The following SREK1 variants were observed in gnomAD, a reference collection of about 807,000 sequenced individuals.
The protein encoded by SREK1 is splicing regulatory glutamic acid and lysine rich protein 1.
Under a neutral mutation model 66.5 loss-of-function variants are expected in SREK1, and 13 were observed. The ratio of observed to expected loss-of-function variants is 0.20; its 90% confidence interval spans 0.13 to 0.31. SREK1 has a LOEUF of 0.31. Among genes scored for constraint, SREK1 ranks in the 10% least tolerant of loss-of-function variants. SREK1 has a pLI of 1.00. For missense variants in SREK1, 607 were observed against 769.6 expected (o/e 0.79, Z 2.50); for synonymous variants, 265 against 263.5 (o/e 1.01, Z -0.05).
intron 1 of SREK1, 41 bp from the exon 2 acceptor site, chr5:66,153,422 A>G: frequency 6.3e-7 from 1 of 1,584,062 alleles, no homozygotes; most frequent in Non-Finnish European, 8.6e-7. Flanking sequence ...AAAACCAAGC[A>G]AATGTTTATT....
At chr5:66,162,650 A>T in intron 5 of SREK1, 58 bp downstream of exon 5, 1 of 1,498,388 alleles carries the variant, frequency 6.7e-7, no homozygotes, top group Non-Finnish European at 9.0e-7. Context: ...AGTATTTTTG[A>T]TGTAATGAAG....
intron 2 of SREK1, chr5:66,157,457 G>T (rs909034980): frequency 3.0e-6 from 3 of 985,022 alleles, no homozygotes; most frequent in Non-Finnish European, 3.6e-6. Context: ...TGGAGTTTCT[G>T]CCTCAAAACC....
intron 9 of SREK1, 113 bp downstream of exon 9, chr5:66,171,060 A>T: frequency 1.6e-6 from 2 of 1,276,608 alleles, no homozygotes; most frequent in Non-Finnish European, 2.1e-6. Context: ...GTAAAGTAAT[A>T]TAAGAACATT....
At chr5:66,157,345 A>G (rs528093253) in intron 2 of SREK1, 8 of 983,396 alleles carry the variant, frequency 8.1e-6, no homozygotes, top group African/African-American at 7.0e-5. Context: ...AATGTCTTCA[A>G]TAGGTAGTTT....
rs1008508912 is a variant in SREK1, at chr5:66,144,386, G to T, written c.10G>T (p.Gly4Cys). 12 of 1,546,338 alleles carry T rather than the reference G, an allele frequency of 7.8e-6. No homozygotes were observed. The African/African-American group carries it at 9.6e-5, about 12-fold the overall frequency. MNS[G>C]GGFGLGLGFG... Reference sequence around the variant, plus strand: ...CGGCAGCGGGATCGGGATGAACAGCGGCGGCGGCTTCGGTTTGGGCTTAGG... The same window carrying T: ...CGGCAGCGGGATCGGGATGAACAGCTGCGGCGGCTTCGGTTTGGGCTTAGG... The change falls in exon 1 of 12, where the codon GGC becomes TGC. Residue 4 changes from glycine to cysteine, a missense_variant. Physicochemically the swap from Gly to Cys is radical, Grantham distance 159 (BLOSUM62 -3). Around this residue, in one of 5 missense-constraint regions of SREK1, gnomAD observed 75 missense variants for 72.9 expected, o/e 1.03. Coordinates refer to ENST00000334121, the MANE Select transcript of SREK1 (RefSeq NM_001077199.3).
At chr5:66,144,620 C>T (rs1742988365) in intron 1 of SREK1, 83 bp downstream of exon 1, 2 of 1,465,300 alleles carry the variant, frequency 1.4e-6, no homozygotes, top group Admixed American at 2.6e-5. Flanking sequence ...AGCGCGGACG[C>T]GGGCGCGCGG....
At chr5:66,162,615 A>G (rs768223927) in intron 5 of SREK1, 23 bp downstream of exon 5, 3 of 1,552,536 alleles carry the variant, frequency 1.9e-6, no homozygotes, top group East Asian at 2.3e-5. Context: ...AAACAAAGAA[A>G]TTTTAATGAT....
At position 66,159,254 on chromosome 5, in the gene SREK1, T is replaced by C. The variant is rs1449121376; in HGVS notation, c.331T>C (p.Leu111=). 11 of 1,613,428 alleles carry C rather than the reference T, an allele frequency of 6.8e-6. No individual in the cohort carries two copies. The highest frequency in any genetic ancestry group is 2.2e-5 in the East Asian group (1 of 44,828). ...IPEESKALSL[L]APAPTMTSLM... ...AGAGGAATCCAAAGCCCTCTCTTTATTGGCTCCTGCTCCAACCATGACAAG... is the reference window on the plus strand; with the variant it reads ...AGAGGAATCCAAAGCCCTCTCTTTACTGGCTCCTGCTCCAACCATGACAAG... The change falls in exon 3 of 12, where the codon TTG becomes CTG. Residue 111 remains leucine, a synonymous_variant. Coordinates refer to ENST00000334121, the MANE Select transcript of SREK1 (RefSeq NM_001077199.3).
rs1341615102 is a variant in SREK1, at chr5:66,182,539, T to A, written c.*3671T>A. The A allele has an allele frequency of 2.6e-5, 4 of 152,116 alleles. No homozygotes were observed. Among genetic ancestry groups the A allele is most frequent in the Admixed American group, 2.6e-4 (4 of 15,272 alleles). 9.4% of individuals were successfully genotyped at this position (152,116 alleles called of 1,614,324 possible). On this transcript the variant is annotated 3_prime_UTR_variant, in exon 12 of 12. Transcript: ENST00000334121. Reference sequence around the variant, plus strand: ...GTTTTTAGTACACTCTTATTGGTGGTTTTGCCTGAAGAGTAATACATTATT... The same window carrying A: ...GTTTTTAGTACACTCTTATTGGTGGATTTGCCTGAAGAGTAATACATTATT...
chr5:66,177,374 C>A, intron 10 of SREK1, 140 bp from the exon 11 acceptor site: 1 of 728,356 alleles, frequency 1.4e-6, no homozygotes, highest in Non-Finnish European at 2.1e-6. Context: ...ATTTATGTTA[C>A]TTTGCAAACC....
At chr5:66,161,390 C>T (rs181027576) in intron 3 of SREK1, among the ~76,000 whole-genome samples, 42 of 152,266 alleles carry the variant, frequency 2.8e-4, no homozygotes, top group Admixed American at 1.7e-3. Context: ...TCTATTTGCA[C>T]GGAGGTCGAA....
intron 7 of SREK1, chr5:66,165,153 T>C (rs1006101808): frequency 3.1e-5 from 9 of 291,944 alleles, no homozygotes; most frequent in African/African-American, 2.0e-4. Context: ...GATACTCTAT[T>C]CCAGATTTTT....
intron 9 of SREK1, among the ~76,000 whole-genome samples, chr5:66,173,393 G>A (rs1280186359): frequency 6.6e-6 from 1 of 152,122 alleles, no homozygotes; most frequent in African/African-American, 2.4e-5. Flanking sequence ...CACACTCTAT[G>A]CTTTGCACAT....
intron 10 of SREK1, among the ~76,000 whole-genome samples, chr5:66,175,811 C>G (rs1166557485): frequency 6.6e-6 from 1 of 152,046 alleles, no homozygotes; most frequent in African/African-American, 2.4e-5. Flanking sequence ...GTTTCCTTTT[C>G]TATTTCCAAG....
Position 66,181,897 on chromosome 5 carries a change from T to G in SREK1, c.*3029T>G, listed in dbSNP as rs1746516819. On this transcript the variant is annotated 3_prime_UTR_variant, in exon 12 of 12. Transcript: ENST00000334121. ...GGCGTTTATAATGAAAAGGTTTTTT[T>G]GTCGGGGGGGGGGGGGTCAAGAGAA... 1 of 60,426 alleles carries G rather than the reference T, an allele frequency of 1.7e-5. No individual in the cohort carries two copies. The highest frequency in any genetic ancestry group is 1.5e-4 in the Admixed American group (1 of 6,702). The allele number at this position is 60,426 out of a possible 1,614,324, so 3.7% of individuals were successfully genotyped here. A position where few individuals can be genotyped will look rare whatever the true frequency, so the allele number is the denominator to read the frequency against.
intron 1 of SREK1, among the ~76,000 whole-genome samples, chr5:66,145,594 T>A (rs1743117533): frequency 6.6e-6 from 1 of 152,080 alleles, no homozygotes; most frequent in Non-Finnish European, 1.5e-5. Context: ...TATTTAAAAT[T>A]TACTTTTTAA....
intron 1 of SREK1, among the ~76,000 whole-genome samples, chr5:66,147,431 A>G (rs979924869): frequency 2.0e-5 from 3 of 152,218 alleles, no homozygotes; most frequent in Non-Finnish European, 4.4e-5. Context: ...AGGTTGATGA[A>G]TCTTTACAAA....
At chr5:66,171,865 T>C (rs1040534989) in intron 9 of SREK1, among the ~76,000 whole-genome samples, 2 of 152,200 alleles carry the variant, frequency 1.3e-5, no homozygotes, top group Non-Finnish European at 1.5e-5. Flanking sequence ...TCTCACCTTA[T>C]TTAATCCTCA....
chr5:66,152,194 G>A (rs879747295), intron 1 of SREK1, among the ~76,000 whole-genome samples: 53 of 152,290 alleles, frequency 3.5e-4, no homozygotes, highest in African/African-American at 1.2e-3. Context: ...TACTAATTGT[G>A]TTAATAATGT....
Sources: gnomAD v4.1 joint callset for allele counts (sites outside exome capture counted in the v4.1 genomes callset) on GRCh38, gnomAD v4.1.1 for gene constraint, gnomAD v4.1.1 regional missense constraint, MANE v1.5 for transcripts, NCBI Gene and HGNC (gene_info 2026-07-23, HGNC 2026-07-21) for gene names.